PPP1R9A: variants seen among roughly 807,000 people sequenced by gnomAD.
PPP1R9A encodes neurabin-1.
Under a neutral mutation model 141.9 loss-of-function variants are expected in PPP1R9A, and 59 were observed. The observed-to-expected ratio is 0.42, with a 90% CI of 0.34 to 0.52. The LOEUF (loss-of-function observed/expected upper bound fraction) is 0.52. PPP1R9A is among the 20% of genes least tolerant of loss of function. PPP1R9A has a pLI of 0.10. For synonymous variants in PPP1R9A, 500 were observed against 569.7 expected, an observed-to-expected ratio of 0.88 and a Z score of 1.74; for missense variants, 1,444 against 1,611.9, an observed-to-expected ratio of 0.90 and a Z score of 1.78.
intron 2 of PPP1R9A, among the ~76,000 whole-genome samples, chr7:95,030,767 T>G (rs1346868114): frequency 6.6e-6 from 1 of 152,198 alleles, no homozygotes; most frequent in Non-Finnish European, 1.5e-5. Flanking sequence ...TCAGATCCAC[T>G]AAATCTCTTA....
At chr7:95,034,190 A>G (rs1457623141) in intron 2 of PPP1R9A, among the ~76,000 whole-genome samples, 1 of 152,132 alleles carries the variant, frequency 6.6e-6, no homozygotes, top group Non-Finnish European at 1.5e-5. Context: ...ATAACATTTT[A>G]TGAAGTTATC....
chr7:95,205,229 A>G (rs1008849176), intron 7 of PPP1R9A, among the ~76,000 whole-genome samples: 2 of 152,224 alleles, frequency 1.3e-5, no homozygotes, highest in African/African-American at 4.8e-5. Context: ...TTGATTTAAA[A>G]AAATTATGAT....
At position 95,251,919 on chromosome 7, in the gene PPP1R9A, C is replaced by T. The variant is rs141598687; in HGVS notation, c.2494-40C>T. On this transcript the variant is annotated intron_variant, in intron 11 of 19. Transcript: ENST00000433360. ...TGGTTTTGCTGTACTTGGAGGGGAGCGCTAGTTTAGAGTTTTATAAATGGA... is the reference window on the plus strand; with the variant it reads ...TGGTTTTGCTGTACTTGGAGGGGAGTGCTAGTTTAGAGTTTTATAAATGGA... 1.1e-3 allele frequency: 1,694 copies of T among 1,607,668 alleles called. 15 individuals are homozygous for T. The African/African-American group carries it at 0.014, about 13-fold the overall frequency.
At chr7:95,254,393 T>C (rs748500144) in intron 12 of PPP1R9A, among the ~76,000 whole-genome samples, 2 of 152,162 alleles carry the variant, frequency 1.3e-5, no homozygotes, top group Non-Finnish European at 2.9e-5. Context: ...TGCTAGGGAA[T>C]GCTGAAATAC....
intron 2 of PPP1R9A, among the ~76,000 whole-genome samples, chr7:94,994,683 CAAGAGA>C (rs1801942683): frequency 1.3e-5 from 2 of 151,978 alleles, no homozygotes; most frequent in Non-Finnish European, 1.5e-5. Flanking sequence ...ATCACGAGGT[CAAGAGA>C]TTGAGACCAT....
intron 2 of PPP1R9A, among the ~76,000 whole-genome samples, chr7:95,010,216 A>G (rs1420949429): frequency 6.6e-6 from 1 of 152,106 alleles, no homozygotes; most frequent in Non-Finnish European, 1.5e-5. Context: ...ACACAGTGAG[A>G]CACTGTCTCT....
intron 4 of PPP1R9A, among the ~76,000 whole-genome samples, chr7:95,138,671 A>G (rs1284600669): frequency 4.6e-5 from 7 of 152,264 alleles, no homozygotes; most frequent in Non-Finnish European, 8.8e-5. Flanking sequence ...CAAGAAGAAT[A>G]ACCACTGAAT....
intron 8 of PPP1R9A, among the ~76,000 whole-genome samples, chr7:95,230,747 G>C (rs1795805283): frequency 6.6e-6 from 1 of 151,980 alleles, no homozygotes; most frequent in Admixed American, 6.6e-5. Flanking sequence ...AATAATTGAG[G>C]AAAACCTCCC....
At chr7:95,197,570 A>G (rs1836465882) in intron 5 of PPP1R9A, among the ~76,000 whole-genome samples, 1 of 152,210 alleles carries the variant, frequency 6.6e-6, no homozygotes, top group Non-Finnish European at 1.5e-5. Flanking sequence ...AAAAACAAAA[A>G]ACACTTAAGT....
chr7:95,119,837 C>A (rs1185182589), intron 3 of PPP1R9A, among the ~76,000 whole-genome samples: 2 of 151,412 alleles, frequency 1.3e-5, no homozygotes, highest in Middle Eastern at 3.2e-3. Context: ...GAAAAACAAG[C>A]TATATATACA....
Position 95,284,135 on chromosome 7 carries a change from T to C in PPP1R9A, c.3414T>C (p.Tyr1138=), listed in dbSNP as rs1035360313. 4 of 1,589,920 alleles carry C rather than the reference T, an allele frequency of 2.5e-6. No homozygotes were observed. The Admixed American group carries it at 5.0e-5, about 20-fold the overall frequency. Residue 1138 remains tyrosine (Y), a synonymous_variant, in exon 17 of 20, where the codon TAT becomes TAC. Transcript: ENST00000433360. ...SWFNDSRKGS[Y]SFRNLPAPTS... ...TTAATGACAGCCGGAAAGGATCCTA[T>C]TCCTTCAGGAACCTGCCTGCGCCTA...
At chr7:95,256,823 T>C (rs977612907) in intron 12 of PPP1R9A, among the ~76,000 whole-genome samples, 3 of 152,048 alleles carry the variant, frequency 2.0e-5, no homozygotes, top group Non-Finnish European at 2.9e-5. Flanking sequence ...ACAAACAAAA[T>C]GTAATTTTCT....
At chr7:95,027,942 G>T (rs983697448) in intron 2 of PPP1R9A, among the ~76,000 whole-genome samples, 1 of 151,952 alleles carries the variant, frequency 6.6e-6, no homozygotes, top group Non-Finnish European at 1.5e-5. Flanking sequence ...TATGTATTTT[G>T]TTTTTTTGTG....
intron 2 of PPP1R9A, among the ~76,000 whole-genome samples, chr7:94,973,017 A>C (rs1212677676): frequency 6.6e-6 from 1 of 152,072 alleles, no homozygotes; most frequent in Admixed American, 6.6e-5. Context: ...CCTGGACACA[A>C]TATATTTTTA....
intron 2 of PPP1R9A, among the ~76,000 whole-genome samples, chr7:94,925,701 G>A (rs769861075): frequency 2.0e-5 from 3 of 152,072 alleles, no homozygotes; most frequent in Non-Finnish European, 2.9e-5. Context: ...TTGTCACACC[G>A]CTTGGCACAT....
chr7:95,280,934 A>G (rs1322852890), intron 16 of PPP1R9A, among the ~76,000 whole-genome samples: 5 of 152,344 alleles, frequency 3.3e-5, no homozygotes, highest in South Asian at 2.1e-4. Flanking sequence ...AGAGTGGTCA[A>G]CATGGAATAA....
intron 2 of PPP1R9A, among the ~76,000 whole-genome samples, chr7:95,094,879 C>CAAAAAAAAAAAAAAAAA (rs1166550834): frequency 6.7e-5 from 3 of 44,990 alleles, no homozygotes; most frequent in African/African-American, 7.2e-5. Flanking sequence ...GACTGCGTCT[C>CAAAAAAAAAAAAAAAAA]AAAAAAAAAA....
chr7:95,181,029 A>G (rs1210723659), intron 5 of PPP1R9A, among the ~76,000 whole-genome samples: 1 of 151,726 alleles, frequency 6.6e-6, no homozygotes, highest in Non-Finnish European at 1.5e-5. Context: ...CTGGATATCT[A>G]CCCAGAGGAA....
intron 2 of PPP1R9A, among the ~76,000 whole-genome samples, chr7:94,968,425 G>T (rs1287993113): frequency 6.6e-6 from 1 of 152,016 alleles, no homozygotes; most frequent in Non-Finnish European, 1.5e-5. Context: ...ACCCGCCTCG[G>T]CCTCCCAAAG....
Sources: allele counts gnomAD v4.1 joint callset (sites outside exome capture counted in the v4.1 genomes callset), GRCh38; gene constraint gnomAD v4.1.1; transcripts MANE v1.5; gene names NCBI Gene and HGNC (gene_info 2026-07-23, HGNC 2026-07-21).